The following CLVS1 variants were observed in gnomAD, a reference collection of about 807,000 sequenced individuals.
CLVS1 encodes clavesin 1.
CLVS1 carries 10 observed loss-of-function variants against 33.1 expected under a neutral mutation model. That is an observed-to-expected ratio of 0.30 (90% CI 0.19 to 0.51). CLVS1 has a LOEUF of 0.51. Among genes scored for constraint, CLVS1 ranks in the 20% least tolerant of loss-of-function variants. CLVS1 has a pLI of 0.97. For missense variants in CLVS1, 343 were observed against 433.4 expected (o/e 0.79, Z 1.85); for synonymous variants, 163 against 166.1 (o/e 0.98, Z 0.14).
intron 2 of CLVS1, among the ~76,000 whole-genome samples, chr8:61,304,618 A>G (rs1810553285): frequency 6.6e-6 from 1 of 152,200 alleles, no homozygotes; most frequent in Non-Finnish European, 1.5e-5. Context: ...CTAAACTCGT[A>G]TCAGCATTGG....
intron 2 of CLVS1, 58 bp from the exon 3 acceptor site, chr8:61,376,547 C>G (rs1813652482): frequency 1.3e-6 from 2 of 1,542,934 alleles, no homozygotes; most frequent in Admixed American, 3.5e-5. Flanking sequence ...CTGTTGCACG[C>G]AACATGCTAT....
intron 2 of CLVS1, among the ~76,000 whole-genome samples, chr8:61,249,223 C>T (rs1808883006): frequency 1.3e-5 from 2 of 152,086 alleles, no homozygotes; most frequent in Non-Finnish European, 2.9e-5. Context: ...TTCCAGCTTC[C>T]TCCATGTCCC....
chr8:61,157,244 A>G (rs962762196), intron 2 of CLVS1, among the ~76,000 whole-genome samples: 4 of 152,198 alleles, frequency 2.6e-5, no homozygotes. Context: ...AAGTCCACAC[A>G]TAGGCAATTA....
chr8:61,165,306 C>A (rs922110062), intron 2 of CLVS1, among the ~76,000 whole-genome samples: 6 of 152,152 alleles, frequency 3.9e-5, no homozygotes, highest in African/African-American at 1.2e-4. Flanking sequence ...AAACACGGAC[C>A]AGAAGAGTGC....
chr8:61,246,238 C>T (rs1423903018), intron 2 of CLVS1, among the ~76,000 whole-genome samples: 2 of 114,482 alleles, frequency 1.7e-5, no homozygotes, highest in Admixed American at 1.2e-4. Context: ...AGTGTGATCT[C>T]GGCTCACTGG....
intron 2 of CLVS1, among the ~76,000 whole-genome samples, chr8:61,358,533 A>T (rs762078889): frequency 3.3e-5 from 5 of 152,210 alleles, no homozygotes; most frequent in African/African-American, 9.7e-5. Context: ...TAGCATCATC[A>T]TTCTTTTCCA....
At chr8:61,244,850 A>C (rs1808774031) in intron 2 of CLVS1, among the ~76,000 whole-genome samples, 1 of 152,122 alleles carries the variant, frequency 6.6e-6, no homozygotes, top group Non-Finnish European at 1.5e-5. Flanking sequence ...ATTCATTAAA[A>C]ATTTTTTTTA....
intron 3 of CLVS1, among the ~76,000 whole-genome samples, chr8:61,407,856 C>A (rs1038297705): frequency 5.3e-5 from 8 of 152,096 alleles, no homozygotes; most frequent in Admixed American, 1.3e-4. Context: ...CTTTTCTTTG[C>A]CAGTTCAAGT....
chr8:61,469,746 G>A (rs1817673398), intron 5 of CLVS1, among the ~76,000 whole-genome samples: 1 of 152,188 alleles, frequency 6.6e-6, no homozygotes, highest in Non-Finnish European at 1.5e-5. Context: ...TGAGCAGCCA[G>A]GGCAAGGAGT....
At chr8:61,301,674 T>C (rs1370142795) in intron 2 of CLVS1, among the ~76,000 whole-genome samples, 1 of 152,176 alleles carries the variant, frequency 6.6e-6, no homozygotes, top group Non-Finnish European at 1.5e-5. Flanking sequence ...TTTTAGAAGT[T>C]AAGGAGCTCA....
At chr8:61,164,319 G>C (rs555792614) in intron 2 of CLVS1, among the ~76,000 whole-genome samples, 83 of 151,492 alleles carry the variant, frequency 5.5e-4, no homozygotes, top group African/African-American at 2.0e-3. Context: ...GGAGGAAAAG[G>C]GTCCTTGGGA....
chr8:61,069,939 T>G (rs987545153), intron 1 of CLVS1, among the ~76,000 whole-genome samples: 6 of 152,078 alleles, frequency 3.9e-5, no homozygotes, highest in Non-Finnish European at 5.9e-5. Context: ...GCTGCAGGCA[T>G]GCACCACCAT....
intron 2 of CLVS1, among the ~76,000 whole-genome samples, chr8:61,257,762 AG>A (rs1158848348): frequency 1.3e-5 from 2 of 152,216 alleles, no homozygotes; most frequent in African/African-American, 4.8e-5. Context: ...ATGTTTATAA[AG>A]AGATATATTA....
At chr8:61,275,182 T>G (rs1809537693) in intron 2 of CLVS1, among the ~76,000 whole-genome samples, 1 of 152,206 alleles carries the variant, frequency 6.6e-6, no homozygotes, top group African/African-American at 2.4e-5. Context: ...CTTTTATTTT[T>G]ATTTTTTTAG....
At chr8:61,281,726 A>G (rs1809674906) in intron 2 of CLVS1, among the ~76,000 whole-genome samples, 1 of 152,112 alleles carries the variant, frequency 6.6e-6, no homozygotes, top group South Asian at 2.1e-4. Flanking sequence ...TCATCCCACT[A>G]AATATCCAAG....
intron 1 of CLVS1, among the ~76,000 whole-genome samples, chr8:61,111,300 C>A (rs1196778191): frequency 6.6e-6 from 1 of 151,998 alleles, no homozygotes; most frequent in Non-Finnish European, 1.5e-5. Flanking sequence ...TTTTAAATGA[C>A]AGTTGATTGC....
chr8:61,037,389 T>G, the CLVS1 span, among the ~76,000 whole-genome samples: 2 of 152,324 alleles, frequency 1.3e-5, no homozygotes, highest in Admixed American at 1.3e-4. Context: ...ACATTATTCA[T>G]CATTTGTGAC....
chr8:61,497,624 C>T (rs1237767632), intron 5 of CLVS1, among the ~76,000 whole-genome samples: 2 of 152,058 alleles, frequency 1.3e-5, no homozygotes, highest in Non-Finnish European at 2.9e-5. Context: ...AAAGATGTTA[C>T]CAGAAAGTGG....
rs183636577 is a variant in CLVS1 at position 61,154,462 on chromosome 8, G to A, written c.-152+22602G>A. The stretch of plus-strand genomic sequence containing the variant: ...AGGCAGTATACCATTTTTTGATAGG[G>A]AGTGGGAAGAAAAAAATGTTCTGTT... On this transcript the variant is annotated intron_variant, in intron 2 of 2. Coordinates refer to the CLVS1 transcript ENST00000522621. Among the ~76,000 whole-genome samples, 5 of 152,100 alleles carry A rather than the reference G, an allele frequency of 3.3e-5. No homozygotes were observed. The East Asian group carries it at 7.7e-4, about 23-fold the overall frequency.
Sources: allele counts gnomAD v4.1 joint callset (sites outside exome capture counted in the v4.1 genomes callset), GRCh38; gene constraint gnomAD v4.1.1; transcripts MANE v1.5; gene names NCBI Gene and HGNC (gene_info 2026-07-23, HGNC 2026-07-21).